The following PLEK variants were observed in gnomAD, a reference collection of about 807,000 sequenced individuals.
The protein encoded by PLEK is pleckstrin, also known as platelet 47 kDa protein.
A neutral mutation model predicts 43.9 loss-of-function variants in PLEK; 25 were observed. The observed-to-expected ratio is 0.57, with a 90% confidence interval of 0.41 to 0.79. PLEK has a LOEUF of 0.79. Ranked by LOEUF, PLEK falls within the 30% of genes least tolerant of loss-of-function variation. The probability of loss-of-function intolerance (pLI) is 0.00; values close to 1 mark genes in which losing one functional copy is unlikely to be tolerated. For synonymous variants in PLEK, 152 were observed against 144.4 expected (o/e 1.05, Z -0.38); for missense variants, 396 against 413.3 (o/e 0.96, Z 0.36).
At chr2:68,393,599 G>A (rs955743815) in intron 7 of PLEK, among the ~76,000 whole-genome samples, 13 of 152,214 alleles carry the variant, frequency 8.5e-5, no homozygotes, top group Non-Finnish European at 1.6e-4. Context: ...CAACTTGGAT[G>A]AGGGTATTGT....
intron 1 of PLEK, among the ~76,000 whole-genome samples, chr2:68,378,316 A>G (rs1673545314): frequency 1.3e-5 from 2 of 152,344 alleles, no homozygotes; most frequent in South Asian, 4.1e-4. Flanking sequence ...CCCAAATCAT[A>G]GCATACACTG....
intron 5 of PLEK, 97 bp from the exon 6 acceptor site, chr2:68,388,290 C>T: frequency 1.4e-6 from 1 of 727,666 alleles, no homozygotes; most frequent in Admixed American, 1.9e-5. Flanking sequence ...AAGGAGGAGG[C>T]TGCCCTCATG....
Position 68,394,305 on chromosome 2 carries a change from C to T in PLEK, c.916+129C>T. ...AGCAGGAATGGGGCAGGCATGGTGG[C>T]TCCCACCTGTAATCCCGGCACTTTG... On this transcript the variant is annotated intron_variant, in intron 8 of 8. Transcript: ENST00000234313. 4.3e-6 allele frequency: 3 copies of T among 694,120 alleles called. No homozygotes were observed. In the South Asian group the frequency reaches 4.5e-5, roughly 10 times the overall value. The allele number at this position is 694,120 out of a possible 1,614,324, so 43.0% of individuals were successfully genotyped here.
At chr2:68,388,721 A>G (rs898905653) in intron 6 of PLEK, among the ~76,000 whole-genome samples, 2 of 143,020 alleles carry the variant, frequency 1.4e-5, no homozygotes, top group Non-Finnish European at 3.1e-5. Flanking sequence ...TGCCTCTTTT[A>G]TCAATATCAT....
At chr2:68,387,000 AC>A (rs1673759130) in intron 5 of PLEK, among the ~76,000 whole-genome samples, 1 of 152,000 alleles carries the variant, frequency 6.6e-6, no homozygotes, top group Non-Finnish European at 1.5e-5. Context: ...TTTCCTATTT[AC>A]TTATTATTAT....
chr2:68,367,408 T>C (rs1196961109), intron 1 of PLEK, among the ~76,000 whole-genome samples: 2 of 152,184 alleles, frequency 1.3e-5, no homozygotes, highest in Admixed American at 1.3e-4. Context: ...TTTTTTCTGA[T>C]CCTCTCCCTT....
At chr2:68,372,691 A>G (rs1673433860) in intron 1 of PLEK, among the ~76,000 whole-genome samples, 1 of 152,156 alleles carries the variant, frequency 6.6e-6, no homozygotes, top group Non-Finnish European at 1.5e-5. Context: ...CTACACACAC[A>G]CATGCACACA....
chr2:68,393,959 G>C, intron 7 of PLEK, 148 bp from the exon 8 acceptor site: 1 of 592,244 alleles, frequency 1.7e-6, no homozygotes, highest in Non-Finnish European at 3.1e-6. Context: ...AGATCTGTCA[G>C]CAGTTTTTCT....
At chr2:68,374,893 G>T (rs1673473783) in intron 1 of PLEK, among the ~76,000 whole-genome samples, 1 of 152,022 alleles carries the variant, frequency 6.6e-6, no homozygotes, top group East Asian at 1.9e-4. Flanking sequence ...TGTTAATAAT[G>T]GATTTATATA....
intron 4 of PLEK, 33 bp downstream of exon 4, chr2:68,382,666 C>A: frequency 1.6e-6 from 2 of 1,230,944 alleles, no homozygotes; most frequent in East Asian, 2.3e-5. Flanking sequence ...AATAGGGCGA[C>A]TGGGAAGGCG....
chr2:68,374,698 T>C (rs1260969674), intron 1 of PLEK, among the ~76,000 whole-genome samples: 3 of 152,182 alleles, frequency 2.0e-5, no homozygotes, highest in Non-Finnish European at 4.4e-5. Flanking sequence ...GTAACCATTA[T>C]TGTAATATTT....
At position 68,391,165 on chromosome 2, in the gene PLEK, C is replaced by T. The variant is rs183116590; in HGVS notation, c.763-1997C>T. ...TTCTTAATACTCCTTAGAAAATGCT[C>T]ATTAAGTGAAAGATGACCAGAAATG... On this transcript the variant is annotated intron_variant, in intron 6 of 8. Coordinates refer to ENST00000234313, the MANE Select transcript of PLEK (RefSeq NM_002664.3). 2.3e-3 allele frequency among the ~76,000 whole-genome samples: 352 copies of T among 152,304 alleles called. 3 individuals are homozygous for T. Among genetic ancestry groups the T allele is most frequent in the African/African-American group, 8.0e-3 (334 of 41,554 alleles).
At chr2:68,374,284 C>G (rs901844418) in intron 1 of PLEK, among the ~76,000 whole-genome samples, 1 of 152,148 alleles carries the variant, frequency 6.6e-6, no homozygotes. Context: ...TCTAATACAC[C>G]TTTTACATTC....
intron 6 of PLEK, among the ~76,000 whole-genome samples, chr2:68,389,223 T>C (rs1357579443): frequency 1.3e-5 from 2 of 152,172 alleles, no homozygotes; most frequent in Non-Finnish European, 2.9e-5. Flanking sequence ...GTGGAGGAAG[T>C]CGCAGGAAGA....
rs1031003432 is a variant in PLEK at position 68,380,978 on chromosome 2, C to T, written c.380+74C>T. The T allele has an allele frequency of 3.8e-5, 50 of 1,302,968 alleles. No individual in the cohort carries two copies. In the African/African-American group the frequency reaches 5.6e-4, roughly 14 times the overall value. The allele number at this position is 1,302,968 out of a possible 1,614,324, so 80.7% of individuals were successfully genotyped here. A position where few individuals can be genotyped will look rare whatever the true frequency, so the allele number is the denominator to read the frequency against. On this transcript the variant is annotated intron_variant, in intron 3 of 8. Coordinates refer to ENST00000234313, the MANE Select transcript of PLEK (RefSeq NM_002664.3). ...AAACATAGCAGATCCTGCTCCAAGGCTTGCTTTGACCACCTCTGATGTTGT... is the reference window on the plus strand; with the variant it reads ...AAACATAGCAGATCCTGCTCCAAGGTTTGCTTTGACCACCTCTGATGTTGT...
chr2:68,370,710 T>C (rs1331315084), intron 1 of PLEK, among the ~76,000 whole-genome samples: 1 of 152,208 alleles, frequency 6.6e-6, no homozygotes, highest in African/African-American at 2.4e-5. Flanking sequence ...TGTCTTGAAC[T>C]CTTAACCTCA....
At chr2:68,381,133 CAGAGAG>C (rs10538878) in intron 3 of PLEK, among the ~76,000 whole-genome samples, 16 of 150,006 alleles carry the variant, frequency 1.1e-4, no homozygotes, top group East Asian at 7.9e-4. Flanking sequence ...TACTGGGTAC[CAGAGAG>C]AGAGAGAGAG....
intron 5 of PLEK, 106 bp downstream of exon 5, chr2:68,386,792 G>A (rs1389659262): frequency 1.6e-5 from 13 of 815,758 alleles, no homozygotes; most frequent in Non-Finnish European, 2.0e-5. Context: ...TAGGCAGCGG[G>A]TAGGGAGGTC....
intron 5 of PLEK, among the ~76,000 whole-genome samples, chr2:68,387,007 A>ATTATTTTTTATTTATTT (rs1673759414): frequency 6.6e-6 from 1 of 152,016 alleles, no homozygotes; most frequent in African/African-American, 2.4e-5. Context: ...TTTACTTATT[A>ATTATTTTTTATTTATTT]TTATTTTTTA....
Sources: gnomAD v4.1 joint callset for allele counts (sites outside exome capture counted in the v4.1 genomes callset) on GRCh38, gnomAD v4.1.1 for gene constraint, MANE v1.5 for transcripts, NCBI Gene and HGNC (gene_info 2026-07-23, HGNC 2026-07-21) for gene names.